The following ROBO2 variants were observed in gnomAD, a reference collection of about 807,000 sequenced individuals.
ROBO2 encodes the protein roundabout guidance receptor 2.
ROBO2 carries 53 observed loss-of-function variants against 160.8 expected under a neutral mutation model. That is an observed-to-expected ratio of 0.33 (90% CI 0.26 to 0.41). The LOEUF is 0.41. ROBO2 is among the 10% of genes least tolerant of loss of function. The pLI, the probability that ROBO2 is intolerant of heterozygous loss-of-function variation, is 1.00. For synonymous variants in ROBO2, 664 were observed against 611.7 expected (o/e 1.09, Z -1.26); for missense variants, 1,577 against 1,722.4 (o/e 0.92, Z 1.49).
intron 2 of ROBO2, among the ~76,000 whole-genome samples, chr3:76,948,524 T>C (rs1235742812): frequency 6.6e-6 from 1 of 151,446 alleles, no homozygotes; most frequent in Non-Finnish European, 1.5e-5. Context: ...CTTTGCTTTT[T>C]AGTTGTACTT....
chr3:76,377,229 G>C (rs2076392091), intron 2 of ROBO2, among the ~76,000 whole-genome samples: 1 of 152,072 alleles, frequency 6.6e-6, no homozygotes, highest in Non-Finnish European at 1.5e-5. Flanking sequence ...GAGATCTTCT[G>C]AATACCTGTT....
chr3:77,297,197 A>G (rs748758970), intron 2 of ROBO2, among the ~76,000 whole-genome samples: 4 of 152,146 alleles, frequency 2.6e-5, no homozygotes, highest in Non-Finnish European at 5.9e-5. Flanking sequence ...AACTTGGGCT[A>G]CATGTGACAG....
At chr3:76,000,354 C>A (rs1293390474) in intron 2 of ROBO2, among the ~76,000 whole-genome samples, 7 of 152,038 alleles carry the variant, frequency 4.6e-5, no homozygotes, top group African/African-American at 4.8e-5. Flanking sequence ...AAATAATATT[C>A]TTTTAGAGTT....
exon 5 of ROBO2, chr3:77,493,273 A>C (rs2086363368): frequency 3.7e-6 from 6 of 1,613,840 alleles, no homozygotes; most frequent in Non-Finnish European, 5.1e-6. Flanking sequence ...GAGGCCAATT[A>C]ACCAGGTGGT....
At chr3:77,304,538 G>A (rs930923466) in intron 2 of ROBO2, among the ~76,000 whole-genome samples, 1 of 152,062 alleles carries the variant, frequency 6.6e-6, no homozygotes, top group Non-Finnish European at 1.5e-5. Context: ...GGCTGCCAGC[G>A]CACTCAACTT....
chr3:77,454,266 T>A (rs774546806), intron 2 of ROBO2, among the ~76,000 whole-genome samples: 48 of 152,174 alleles, frequency 3.2e-4, no homozygotes, highest in Non-Finnish European at 5.9e-4. Flanking sequence ...GAGAAAAAGA[T>A]AAGCGTTCAA....
At chr3:76,219,418 A>G (rs568924790) in intron 2 of ROBO2, among the ~76,000 whole-genome samples, 1 of 152,302 alleles carries the variant, frequency 6.6e-6, no homozygotes, top group Non-Finnish European at 1.5e-5. Context: ...ATTTTTGCAA[A>G]CTACTTACCT....
chr3:75,935,450 C>T (rs1947728922), intron 1 of ROBO2, among the ~76,000 whole-genome samples: 1 of 151,940 alleles, frequency 6.6e-6, no homozygotes, highest in East Asian at 1.9e-4. Context: ...GAGTTGGAGT[C>T]TGCAGTGAGC....
chr3:76,216,177 G>A (rs538339878), intron 2 of ROBO2, among the ~76,000 whole-genome samples: 153 of 152,132 alleles, frequency 1.0e-3, no homozygotes, highest in African/African-American at 3.0e-3. Context: ...ACATGGAAAG[G>A]AACAACTGGT....
intron 1 of ROBO2, among the ~76,000 whole-genome samples, chr3:77,043,429 G>A (rs1451358198): frequency 6.6e-6 from 1 of 152,066 alleles, no homozygotes; most frequent in African/African-American, 2.4e-5. Flanking sequence ...TATGAAAAAT[G>A]GTAGCGTTTT....
intron 2 of ROBO2, among the ~76,000 whole-genome samples, chr3:76,460,526 A>G (rs780200593): frequency 6.6e-6 from 1 of 152,180 alleles, no homozygotes; most frequent in Non-Finnish European, 1.5e-5. Flanking sequence ...ACAATGGGAC[A>G]AACCAGCTGA....
intron 2 of ROBO2, among the ~76,000 whole-genome samples, chr3:77,242,716 G>A (rs2089211434): frequency 6.6e-6 from 1 of 151,576 alleles, no homozygotes; most frequent in Non-Finnish European, 1.5e-5. Context: ...TAACATGTAG[G>A]GTAAAATCTA....
chr3:76,259,936 A>G (rs1477141768), intron 2 of ROBO2, among the ~76,000 whole-genome samples: 2 of 152,182 alleles, frequency 1.3e-5, no homozygotes, highest in East Asian at 3.9e-4. Flanking sequence ...TTACAAACTC[A>G]TAAGCAGGGT....
intron 1 of ROBO2, among the ~76,000 whole-genome samples, chr3:77,048,341 A>C (rs955911987): frequency 1.3e-5 from 2 of 152,196 alleles, no homozygotes; most frequent in African/African-American, 4.8e-5. Flanking sequence ...CAGCTGTGAC[A>C]GTTGTGCTAT....
chr3:76,092,279 A>C (rs1464748964), intron 2 of ROBO2, among the ~76,000 whole-genome samples: 2 of 152,192 alleles, frequency 1.3e-5, no homozygotes, highest in Non-Finnish European at 2.9e-5. Flanking sequence ...CATATATTTG[A>C]AATTGTTAAA....
intron 2 of ROBO2, among the ~76,000 whole-genome samples, chr3:76,119,903 TCCTTCCCTCCCTC>T (rs2070656115): frequency 2.2e-5 from 2 of 92,856 alleles, no homozygotes; most frequent in African/African-American, 1.1e-4. Context: ...TTCCTTCCCT[TCCTTCCCTCCCTC>T]CCTTCCTTCC....
rs149989223 is a variant in ROBO2 at position 77,632,966 on chromosome 3, A to ACT, written c.3761-1903_3761-1902insTC. On this transcript the variant is annotated intron_variant, in intron 23 of 25. Coordinates refer to ENST00000461745, the Ensembl canonical transcript of ROBO2. ...TAAGATTGCCATTAAATTTTCAATAACACATTTTGCAAAATCCTCATACAA... is the reference window on the plus strand; with the variant it reads ...TAAGATTGCCATTAAATTTTCAATAACTCACATTTTGCAAAATCCTCATACAA... 1,230 of 200,974 alleles carry ACT rather than the reference A, an allele frequency of 6.1e-3. 15 individuals are homozygous for ACT. Among genetic ancestry groups the ACT allele is most frequent in the African/African-American group, 0.027 (1,165 of 43,620 alleles). 12.4% of individuals were successfully genotyped at this position (200,974 alleles called of 1,614,324 possible). A position where few individuals can be genotyped will look rare whatever the true frequency, so the allele number is the denominator to read the frequency against.
At chr3:76,507,081 T>A (rs1560062871) in intron 2 of ROBO2, among the ~76,000 whole-genome samples, 1 of 152,120 alleles carries the variant, frequency 6.6e-6, no homozygotes, top group Non-Finnish European at 1.5e-5. Flanking sequence ...AAATCTTGAG[T>A]TACATGTTTA....
chr3:77,025,863 G>C (rs2062931630), intron 2 of ROBO2, among the ~76,000 whole-genome samples: 1 of 152,090 alleles, frequency 6.6e-6, no homozygotes, highest in African/African-American at 2.4e-5. Flanking sequence ...TGTTTCTTAA[G>C]AGGTACCTGA....
Sources: allele counts gnomAD v4.1 joint callset (sites outside exome capture counted in the v4.1 genomes callset), GRCh38; gene constraint gnomAD v4.1.1; transcripts MANE v1.5; gene names NCBI Gene and HGNC (gene_info 2026-07-23, HGNC 2026-07-21).